Variants in CYFIP2 observed in about 807,000 individuals in gnomAD.
The protein encoded by CYFIP2 is cytoplasmic FMR1 interacting protein 2.
In CYFIP2, 29 loss-of-function variants were observed where a neutral mutation model predicts 158.7. The observed-to-expected ratio is 0.18, with a 90% CI of 0.14 to 0.25. CYFIP2 has a LOEUF of 0.25. Among genes scored for constraint, CYFIP2 ranks in the 10% least tolerant of loss-of-function variants. CYFIP2 has a pLI of 1.00. For missense variants in CYFIP2, 852 were observed against 1,639.5 expected, an observed-to-expected ratio of 0.52 and a Z score of 8.29; for synonymous variants, 585 against 617.6, an observed-to-expected ratio of 0.95 and a Z score of 0.78.
intron 23 of CYFIP2, among the ~76,000 whole-genome samples, chr5:157,349,269 TC>T (rs1388435567): frequency 6.6e-6 from 1 of 152,164 alleles, no homozygotes; most frequent in Non-Finnish European, 1.5e-5. Context: ...TTTATCCCTC[TC>T]CCTCCTCCCA....
intron 20 of CYFIP2, among the ~76,000 whole-genome samples, chr5:157,333,077 G>A (rs1413887603): frequency 6.6e-6 from 1 of 152,172 alleles, no homozygotes; most frequent in Admixed American, 6.5e-5. Flanking sequence ...AGAGCTTCCC[G>A]CCAGGCCGTT....
rs1433894737 is a variant in CYFIP2, at chr5:157,314,991, C to T, written c.1253C>T (p.Pro418Leu). ...MEVYSWKLVH[P>L]TDKFCNKDCP... Reference sequence around the variant, plus strand: ...CAGTACTCTTGGAAGCTGGTTCATCCCACAGACAAGTTCTGCAACAAGGAC... The same window carrying T: ...CAGTACTCTTGGAAGCTGGTTCATCTCACAGACAAGTTCTGCAACAAGGAC... The change falls in exon 13 of 31, where the codon CCC (proline) becomes CTC (leucine). Residue 418 changes from proline to leucine, a missense_variant. This residue lies in a region of CYFIP2 where 10 missense variants were observed against 40.4 expected (regional missense o/e 0.25). Transcript: ENST00000620254. 3 of 1,582,958 alleles carry T rather than the reference C, an allele frequency of 1.9e-6. No homozygotes were observed. Among genetic ancestry groups the T allele is most frequent in the Non-Finnish European group, 2.6e-6 (3 of 1,164,150 alleles).
intron 4 of CYFIP2, among the ~76,000 whole-genome samples, chr5:157,295,619 T>C (rs1758190032): frequency 6.6e-6 from 1 of 152,268 alleles, no homozygotes; most frequent in South Asian, 2.1e-4. Context: ...GATTATTCTG[T>C]CACTTTTTTC....
intron 22 of CYFIP2, among the ~76,000 whole-genome samples, chr5:157,340,812 T>C (rs917035011): frequency 3.3e-5 from 5 of 152,212 alleles, no homozygotes; most frequent in Non-Finnish European, 7.3e-5. Context: ...TCTTGCCTAG[T>C]GTCATTCGGA....
rs375762537 is a variant in CYFIP2, at chr5:157,300,765, C to T, written c.438C>T (p.Ala146=). The change falls in exon 6 of 31, where the codon GCC becomes GCT. Residue 146 remains alanine (A), a synonymous_variant. Coordinates refer to ENST00000620254, the MANE Select transcript of CYFIP2 (RefSeq NM_001037333.3). ...GCGAGGTGAAGCGGCTGTGCCATGC[C>T]GAGCGCAGGAAGGACTTTGTCTCTG... ...FCSEVKRLCH[A]ERRKDFVSEA... The T allele has an allele frequency of 2.1e-3, 3,313 of 1,612,582 alleles. 8 individuals are homozygous for T. The highest frequency in any genetic ancestry group is 2.5e-3 in the Non-Finnish European group (2,952 of 1,179,088).
chr5:157,356,117 G>A (rs1340336963), intron 23 of CYFIP2, among the ~76,000 whole-genome samples: 2 of 152,182 alleles, frequency 1.3e-5, no homozygotes, highest in Non-Finnish European at 2.9e-5. Context: ...TGAGTGACTT[G>A]AATAACAAAC....
intron 23 of CYFIP2, chr5:157,343,227 T>C (rs1347522854): frequency 1.2e-6 from 2 of 1,614,172 alleles, no homozygotes; most frequent in South Asian, 2.2e-5. Flanking sequence ...ACCAGGGAGC[T>C]TCCAGGAGCC....
Position 157,389,363 on chromosome 5 carries a change from C to G in CYFIP2, c.3382C>G (p.Arg1128Gly). 6.2e-7 allele frequency: 1 copy of G among 1,613,566 alleles called. No homozygotes were observed. The highest frequency in any genetic ancestry group is 8.5e-7 in the Non-Finnish European group (1 of 1,179,664). The part of the protein sequence containing the change: ...MHVDECVEFH[R>G]LWSAMQFVYC... ...CGTCGATGAGTGTGTGGAGTTCCAC[C>G]GGCTGTGGAGCGCCATGCAGTTCGT... is the stretch of plus-strand genomic sequence containing the variant. Residue 1128 changes from arginine (R) to glycine (G), a missense_variant, in exon 29 of 31, where the codon CGG becomes GGG. By Grantham distance (125) the Arg-to-Gly change is moderately radical (BLOSUM62 -2). Around this residue, in one of 8 missense-constraint regions of CYFIP2, gnomAD observed 223 missense variants for 381.6 expected, o/e 0.58. Coordinates refer to ENST00000620254, the MANE Select transcript of CYFIP2 (RefSeq NM_001037333.3).
At chr5:157,324,912 CCTT>C (rs1284783402) in intron 16 of CYFIP2, 1 of 152,148 alleles carries the variant, frequency 6.6e-6, no homozygotes, top group African/African-American at 2.4e-5. Flanking sequence ...TTCAAAGAAT[CCTT>C]CTGCTTCAGC....
chr5:157,299,512 C>T (rs536151950), intron 5 of CYFIP2, among the ~76,000 whole-genome samples: 17 of 152,350 alleles, frequency 1.1e-4, no homozygotes, highest in South Asian at 4.1e-4. Context: ...CCCCTCTGAG[C>T]GCTTCTCCTC....
At position 157,307,801 on chromosome 5, in the gene CYFIP2, G is replaced by C; in HGVS notation, c.836G>C (p.Ser279Thr). 1 of 1,611,832 alleles carries C rather than the reference G, an allele frequency of 6.2e-7. No individual in the cohort carries two copies. ...FGLYLMDGNV[S>T]NIYKLDAKKR... ...CTCTACCTAATGGATGGAAATGTCA[G>C]TAACATTTACAAACTGGATGCCAAG... is the stretch of plus-strand genomic sequence containing the variant. Residue 279 changes from serine to threonine, a missense_variant, in exon 9 of 31, where the codon AGT becomes ACT. Coordinates refer to ENST00000620254, the MANE Select transcript of CYFIP2 (RefSeq NM_001037333.3).
intron 21 of CYFIP2, among the ~76,000 whole-genome samples, chr5:157,334,597 T>C (rs1247): frequency 0.27 from 40,496 of 151,938 alleles, 5,951 homozygotes; most frequent in Non-Finnish European, 0.34. Flanking sequence ...GTAAGACATA[T>C]TATTGTTATC....
intron 26 of CYFIP2, among the ~76,000 whole-genome samples, chr5:157,367,545 A>C (rs1764502213): frequency 6.6e-6 from 1 of 152,212 alleles, no homozygotes; most frequent in South Asian, 2.1e-4. Flanking sequence ...CAGTACAGAC[A>C]GATGCCCAGC....
intron 1 of CYFIP2, among the ~76,000 whole-genome samples, chr5:157,268,968 G>A (rs1009960334): frequency 5.3e-5 from 8 of 152,162 alleles, no homozygotes; most frequent in East Asian, 1.9e-4. Flanking sequence ...TGAAAGTGCC[G>A]AGCAGAATGC....
intron 26 of CYFIP2, among the ~76,000 whole-genome samples, chr5:157,381,362 TAA>T (rs11380239): frequency 0.011 from 1,573 of 143,114 alleles, 24 homozygotes; most frequent in African/African-American, 0.034. Flanking sequence ...GTAGGTATGA[TAA>T]AAAAAAAAAA....
In CYFIP2 at chr5:157,326,289, T is replaced by C. The variant is rs758424991; in HGVS notation, c.2079+22T>C. 3 of 1,589,138 alleles carry C rather than the reference T, an allele frequency of 1.9e-6. No individual in the cohort carries two copies. The South Asian group carries it at 3.3e-5, about 18-fold the overall frequency. On this transcript the variant is annotated intron_variant, in intron 18 of 30. Transcript: ENST00000620254. ...TGAGGCAAGTGATGTGCTTCTCTTT[T>C]TGCTCCTTTAATCTTGTTCCAAATT...
chr5:157,333,143 C>T (rs563329947), intron 20 of CYFIP2, among the ~76,000 whole-genome samples, 184 bp from the exon 21 acceptor site: 18 of 152,192 alleles, frequency 1.2e-4, no homozygotes, highest in Non-Finnish European at 2.4e-4. Context: ...CTGCTGCAAA[C>T]ATCATAAACT....
Position 157,378,821 on chromosome 5 carries a change from G to C in CYFIP2, c.3040-3769G>C, listed in dbSNP as rs113699632. On this transcript the variant is annotated intron_variant, in intron 26 of 30. Transcript: ENST00000620254. ...TTCATTGCCTCTCCTTCTCTGAAGAGAAAAGTGGTTGTATTTTACAGACTC... is the reference window on the plus strand; with the variant it reads ...TTCATTGCCTCTCCTTCTCTGAAGACAAAAGTGGTTGTATTTTACAGACTC... Among the ~76,000 whole-genome samples, 778 of 152,312 alleles carry C rather than the reference G, an allele frequency of 5.1e-3. 1 individual carries two copies. Among genetic ancestry groups the C allele is most frequent in the Non-Finnish European group, 8.3e-3 (562 of 68,016 alleles).
intron 23 of CYFIP2, among the ~76,000 whole-genome samples, chr5:157,350,681 T>C (rs1449572678): frequency 2.6e-5 from 4 of 152,214 alleles, no homozygotes; most frequent in Admixed American, 6.5e-5. Flanking sequence ...GGTACTTTGA[T>C]GGTGGGAATT....
Sources: gnomAD v4.1 joint callset for allele counts (sites outside exome capture counted in the v4.1 genomes callset) on GRCh38, gnomAD v4.1.1 for gene constraint, gnomAD v4.1.1 regional missense constraint, MANE v1.5 for transcripts, NCBI Gene and HGNC (gene_info 2026-07-23, HGNC 2026-07-21) for gene names.